Variants in GMDS observed in about 807,000 individuals in gnomAD.
GMDS encodes the protein GDP-mannose 4,6-dehydratase, also known as GDP-mannose 4,6 dehydratase.
In GMDS, 20 loss-of-function variants were observed where a neutral mutation model predicts 49.9. That is an observed-to-expected ratio of 0.40 (90% CI 0.28 to 0.58). The LOEUF is 0.58. GMDS is among the 20% of genes least tolerant of loss of function. The pLI, the probability that GMDS is intolerant of heterozygous loss-of-function variation, is 0.42. For missense variants in GMDS, 362 were observed against 481.4 expected, an observed-to-expected ratio of 0.75 and a Z score of 2.32; for synonymous variants, 177 against 178.6, an observed-to-expected ratio of 0.99 and a Z score of 0.07.
At chr6:1,857,147 A>T (rs1757974415) in intron 7 of GMDS, among the ~76,000 whole-genome samples, 1 of 152,198 alleles carries the variant, frequency 6.6e-6, no homozygotes, top group South Asian at 2.1e-4. Context: ...TGTTGACTCC[A>T]CTACCAAGTT....
chr6:2,007,142 A>G (rs992523327), intron 4 of GMDS, among the ~76,000 whole-genome samples: 2 of 152,224 alleles, frequency 1.3e-5, no homozygotes, highest in Non-Finnish European at 2.9e-5. Context: ...TCTCATCCTT[A>G]GGTAGCTTCA....
At chr6:2,118,086 G>A (rs956629205) in intron 2 of GMDS, among the ~76,000 whole-genome samples, 1 of 152,054 alleles carries the variant, frequency 6.6e-6, no homozygotes, top group Non-Finnish European at 1.5e-5. Context: ...AAGCTAAAGA[G>A]CATGGGTAAG....
chr6:1,947,145 G>A (rs1763106871), intron 6 of GMDS, among the ~76,000 whole-genome samples: 1 of 152,048 alleles, frequency 6.6e-6, no homozygotes, highest in Non-Finnish European at 1.5e-5. Flanking sequence ...ATATTTCCCT[G>A]TGCTTGCAGA....
At chr6:2,078,011 A>G (rs1051808316) in intron 4 of GMDS, among the ~76,000 whole-genome samples, 1 of 152,058 alleles carries the variant, frequency 6.6e-6, no homozygotes, top group Non-Finnish European at 1.5e-5. Context: ...CAAGCTTGGT[A>G]GATGGTAGGT....
At chr6:1,772,660 C>T (rs1216160474) in intron 7 of GMDS, among the ~76,000 whole-genome samples, 1 of 152,086 alleles carries the variant, frequency 6.6e-6, no homozygotes, top group East Asian at 1.9e-4. Context: ...TGGGGACTGG[C>T]ATATAAGAAC....
chr6:2,169,621 C>CA (rs556634869), intron 1 of GMDS, among the ~76,000 whole-genome samples: 20,885 of 73,114 alleles, frequency 0.29, 5,224 homozygotes, highest in African/African-American at 0.62. Flanking sequence ...CACCAGGCAG[C>CA]AAAAAAAAAA....
chr6:1,780,267 C>A (rs1769024622), intron 7 of GMDS, among the ~76,000 whole-genome samples: 1 of 152,222 alleles, frequency 6.6e-6, no homozygotes, highest in Admixed American at 6.5e-5. Flanking sequence ...CAAATCACTT[C>A]TCCAGGCCCT....
chr6:2,083,649 T>A (rs1772844121), intron 4 of GMDS, among the ~76,000 whole-genome samples: 1 of 152,224 alleles, frequency 6.6e-6, no homozygotes, highest in Non-Finnish European at 1.5e-5. Flanking sequence ...GTTATGCCTA[T>A]ACCCTCAGAA....
chr6:2,043,113 T>C (rs1769784271), intron 4 of GMDS, among the ~76,000 whole-genome samples: 3 of 152,144 alleles, frequency 2.0e-5, no homozygotes, highest in African/African-American at 4.8e-5. Context: ...AAGCAGAAGG[T>C]TCCTGCCGTC....
chr6:1,919,343 G>C (rs1761593486), intron 7 of GMDS, among the ~76,000 whole-genome samples: 1 of 152,202 alleles, frequency 6.6e-6, no homozygotes, highest in Non-Finnish European at 1.5e-5. Context: ...ACATAACTCT[G>C]AGAGGTACTT....
intron 7 of GMDS, among the ~76,000 whole-genome samples, chr6:1,756,644 G>T (rs544385983): frequency 6.6e-6 from 1 of 152,212 alleles, no homozygotes; most frequent in East Asian, 1.9e-4. Flanking sequence ...GTTCCTCTCT[G>T]CTCCCGGTGG....
At chr6:2,199,363 A>G (rs1194167877) in intron 1 of GMDS, among the ~76,000 whole-genome samples, 1 of 152,246 alleles carries the variant, frequency 6.6e-6, no homozygotes, top group Non-Finnish European at 1.5e-5. Flanking sequence ...ACAGGCAGCC[A>G]GAAATCTTTA....
At chr6:1,725,582 C>T (rs1201135838) in intron 9 of GMDS, among the ~76,000 whole-genome samples, 1 of 152,046 alleles carries the variant, frequency 6.6e-6, no homozygotes, top group Admixed American at 6.5e-5. Context: ...TACAGGCATG[C>T]GCTACCACAC....
intron 9 of GMDS, among the ~76,000 whole-genome samples, chr6:1,688,137 C>T (rs1765049995): frequency 1.3e-5 from 2 of 152,070 alleles, no homozygotes; most frequent in African/African-American, 4.8e-5. Context: ...GGTTGATTTC[C>T]GAAGGAGAGT....
chr6:1,938,959 C>CTT (rs1762678101), intron 6 of GMDS, among the ~76,000 whole-genome samples: 1 of 124,900 alleles, frequency 8.0e-6, no homozygotes, highest in South Asian at 3.2e-4. Context: ...TCTTTCCTCC[C>CTT]CTCCCCTCCC....
intron 9 of GMDS, among the ~76,000 whole-genome samples, chr6:1,659,353 C>T (rs932268784): frequency 2.0e-5 from 3 of 152,048 alleles, no homozygotes; most frequent in African/African-American, 7.3e-5. Flanking sequence ...CCTTTCATCC[C>T]AATGAGGTCC....
chr6:1,668,562 T>C (rs1400131251), intron 9 of GMDS, among the ~76,000 whole-genome samples: 1 of 152,002 alleles, frequency 6.6e-6, no homozygotes, highest in Non-Finnish European at 1.5e-5. Context: ...ATACAAAAAT[T>C]AGCTGGGTGT....
intron 4 of GMDS, among the ~76,000 whole-genome samples, chr6:2,064,146 G>A (rs1439375701): frequency 6.6e-6 from 1 of 152,104 alleles, no homozygotes; most frequent in African/African-American, 2.4e-5. Context: ...ACAAAGAGTA[G>A]ATCTCATATT....
chr6:2,202,757 C>T (rs1285875033), intron 1 of GMDS, among the ~76,000 whole-genome samples: 3 of 152,126 alleles, frequency 2.0e-5, no homozygotes. Flanking sequence ...GCTGTTTCTG[C>T]CTTGAAATGC....
Sources: allele counts gnomAD v4.1 joint callset (sites outside exome capture counted in the v4.1 genomes callset), GRCh38; gene constraint gnomAD v4.1.1; transcripts MANE v1.5; gene names NCBI Gene and HGNC (gene_info 2026-07-23, HGNC 2026-07-21).